Variants in GPHN observed in about 807,000 individuals in gnomAD.
The protein encoded by GPHN is gephyrin.
Under a neutral mutation model 95.5 loss-of-function variants are expected in GPHN, and 17 were observed. The observed-to-expected ratio is 0.18, with a 90% CI of 0.12 to 0.27. The LOEUF is 0.27. GPHN is among the 10% of genes least tolerant of loss of function. GPHN has a pLI of 1.00. For missense variants in GPHN, 660 were observed against 978.1 expected, an observed-to-expected ratio of 0.67 and a Z score of 4.34; for synonymous variants, 320 against 322.5, an observed-to-expected ratio of 0.99 and a Z score of 0.08.
intron 1 of GPHN, among the ~76,000 whole-genome samples, chr14:66,531,018 C>A (rs1293954467): frequency 7.1e-6 from 1 of 141,428 alleles, no homozygotes; most frequent in African/African-American, 2.8e-5. Flanking sequence ...TGCAGTGGTG[C>A]TATCTCAGCT....
chr14:67,230,273 G>A, the GPHN span, among the ~76,000 whole-genome samples: 1 of 152,106 alleles, frequency 6.6e-6, no homozygotes, highest in Non-Finnish European at 1.5e-5. Context: ...AAAGAGTTTG[G>A]AAAATTAAGT....
chr14:67,050,295 C>CAGTGG (rs1290005844), intron 10 of GPHN, among the ~76,000 whole-genome samples: 1 of 152,164 alleles, frequency 6.6e-6, no homozygotes, highest in African/African-American at 2.4e-5. Flanking sequence ...TATAAATATT[C>CAGTGG]AGTGGCTTAG....
chr14:67,379,216 A>G, the GPHN span, among the ~76,000 whole-genome samples: 1 of 152,198 alleles, frequency 6.6e-6, no homozygotes, highest in Non-Finnish European at 1.5e-5. Flanking sequence ...TTTCTAATAT[A>G]TATGCCTAGG....
At chr14:67,241,359 G>T in the GPHN span, 1 of 154,466 alleles carries the variant, frequency 6.5e-6, no homozygotes, top group African/African-American at 2.4e-5. Flanking sequence ...GGCGGTGACG[G>T]CGGCGACGGA....
intron 1 of GPHN, among the ~76,000 whole-genome samples, chr14:66,584,230 T>C (rs970586911): frequency 2.6e-5 from 4 of 152,182 alleles, no homozygotes; most frequent in Non-Finnish European, 5.9e-5. Context: ...TTTTTGCACA[T>C]TGAGTTTGTA....
intron 8 of GPHN, among the ~76,000 whole-genome samples, chr14:66,954,305 T>G (rs959280316): frequency 2.6e-5 from 4 of 152,218 alleles, no homozygotes; most frequent in Non-Finnish European, 5.9e-5. Context: ...TTAATTTCTT[T>G]CAGCAATGTT....
chr14:66,525,520 G>T (rs1024179399), intron 1 of GPHN, among the ~76,000 whole-genome samples: 3 of 152,040 alleles, frequency 2.0e-5, no homozygotes, highest in African/African-American at 4.8e-5. Flanking sequence ...GTCAATTTTG[G>T]CTTTTGTTGC....
chr14:66,787,858 T>TTTTATATATATATA (rs553261342), intron 3 of GPHN, among the ~76,000 whole-genome samples: 1 of 150,530 alleles, frequency 6.6e-6, no homozygotes, highest in African/African-American at 2.4e-5. Context: ...ATAAAAAGTA[T>TTTTATATATATATA]TATATATATA....
intron 1 of GPHN, among the ~76,000 whole-genome samples, chr14:66,630,502 G>T (rs1178664213): frequency 6.6e-6 from 1 of 150,808 alleles, no homozygotes; most frequent in African/African-American, 2.5e-5. Flanking sequence ...TTTTTTTTAA[G>T]ATGGAGTCGC....
At chr14:66,675,218 A>G (rs981446439) in intron 1 of GPHN, among the ~76,000 whole-genome samples, 7 of 147,792 alleles carry the variant, frequency 4.7e-5, no homozygotes, top group Non-Finnish European at 8.9e-5. Context: ...ATCTCGGCTC[A>G]CTGCAACCTC....
Position 66,753,902 on chromosome 14 carries a change from A to T in GPHN, c.144-22562A>T, listed in dbSNP as rs577695269. 2.2e-4 allele frequency among the ~76,000 whole-genome samples: 33 copies of T among 152,216 alleles called. No homozygotes were observed. In the South Asian group the frequency reaches 2.9e-3, roughly 13 times the overall value. On this transcript the variant is annotated intron_variant, in intron 2 of 22. Transcript: ENST00000478722. Reference sequence around the variant, plus strand: ...TCCAGCTTAAGACTATGTAACCACAAATCTACTTCCTATCACTATAGATTT... The same window carrying T: ...TCCAGCTTAAGACTATGTAACCACATATCTACTTCCTATCACTATAGATTT...
intron 5 of GPHN, among the ~76,000 whole-genome samples, chr14:66,896,761 A>G (rs143377581): frequency 0.012 from 1,833 of 152,224 alleles, 19 homozygotes; most frequent in Non-Finnish European, 0.018. Context: ...ATTAATGAGG[A>G]AAATACTTAA....
chr14:67,699,709 C>T, the GPHN span, among the ~76,000 whole-genome samples: 1 of 149,628 alleles, frequency 6.7e-6, no homozygotes, highest in Non-Finnish European at 1.5e-5. Context: ...CAGTAAGTCA[C>T]AGGAATTACC....
At chr14:66,796,085 T>G (rs2060147206) in intron 3 of GPHN, among the ~76,000 whole-genome samples, 2 of 152,170 alleles carry the variant, frequency 1.3e-5, no homozygotes, top group Admixed American at 1.3e-4. Flanking sequence ...GAGAGCAATG[T>G]TTTTCTTTCT....
chr14:66,805,939 C>T (rs1265736519), intron 3 of GPHN, among the ~76,000 whole-genome samples: 2 of 152,216 alleles, frequency 1.3e-5, no homozygotes, highest in African/African-American at 2.4e-5. Flanking sequence ...GGCACTGCCC[C>T]AGTAGGGACC....
chr14:67,715,608 A>G, the GPHN span, among the ~76,000 whole-genome samples: 1 of 152,068 alleles, frequency 6.6e-6, no homozygotes, highest in East Asian at 1.9e-4. Context: ...CCTTAGTTTC[A>G]TTTCTACTTT....
At chr14:67,177,837 C>G (rs1204973554) in intron 21 of GPHN, among the ~76,000 whole-genome samples, 2 of 152,088 alleles carry the variant, frequency 1.3e-5, no homozygotes, top group Admixed American at 6.5e-5. Context: ...AAGTAATGGC[C>G]TTCTTTGTCT....
At chr14:67,420,737 A>G in the GPHN span, among the ~76,000 whole-genome samples, 1 of 152,220 alleles carries the variant, frequency 6.6e-6, no homozygotes, top group Non-Finnish European at 1.5e-5. Flanking sequence ...ACCCACCCAC[A>G]CTGTCCTGCA....
At chr14:67,574,927 A>G in the GPHN span, among the ~76,000 whole-genome samples, 10 of 152,166 alleles carry the variant, frequency 6.6e-5, no homozygotes, top group Non-Finnish European at 2.9e-5. The surrounding 1 kb of genome is among the most constrained non-coding windows in gnomAD (Gnocchi z 4.2). Flanking sequence ...GCACTCAGCA[A>G]GCTCAGGGCT....
Sources: gnomAD v4.1 joint callset for allele counts (sites outside exome capture counted in the v4.1 genomes callset) on GRCh38, gnomAD v4.1.1 for gene constraint, Gnocchi (gnomAD v3.1) non-coding constraint, MANE v1.5 for transcripts, NCBI Gene and HGNC (gene_info 2026-07-23, HGNC 2026-07-21) for gene names.